Variants in MESP1 observed in about 807,000 individuals in gnomAD.
MESP1 encodes the protein mesoderm posterior bHLH transcription factor 1.
A neutral mutation model predicts 15.2 loss-of-function variants in MESP1; 22 were observed. That is an observed-to-expected ratio of 1.45 (90% confidence interval 1.04 to 2.07). The LOEUF (loss-of-function observed/expected upper bound fraction) is 2.07. Ranked by LOEUF, MESP1 falls within the 30% of genes most tolerant of loss-of-function variation. MESP1 has a pLI of 0.00. For missense variants in MESP1, 484 were observed against 411.9 expected, an observed-to-expected ratio of 1.17 and a Z score of -1.51; for synonymous variants, 216 against 192.6, an observed-to-expected ratio of 1.12 and a Z score of -1.01.
chr15:89,736,808 T>C, the MESP1 span, among the ~76,000 whole-genome samples: 3 of 150,372 alleles, frequency 2.0e-5, no homozygotes, highest in Middle Eastern at 3.2e-3. Flanking sequence ...TTTTTTTTTT[T>C]TGAAACGGAG....
chr15:89,747,226 G>C (rs1967988471), downstream of MESP1, among the ~76,000 whole-genome samples: 1 of 152,098 alleles, frequency 6.6e-6, no homozygotes, highest in African/African-American at 2.4e-5. Flanking sequence ...CCCAGGGGCT[G>C]CACACTAGCC....
downstream of MESP1, chr15:89,749,438 G>A (rs566572054): frequency 6.6e-6 from 1 of 152,326 alleles, no homozygotes; most frequent in Admixed American, 6.5e-5. Flanking sequence ...AACATGTATG[G>A]AGCTGGCAAA....
the MESP1 span, chr15:89,732,880 G>GC: frequency 5.0e-6 from 4 of 802,094 alleles, no homozygotes; most frequent in African/African-American, 1.7e-5. Flanking sequence ...CTCACAGGGT[G>GC]CTCATTGCTT....
Position 89,749,993 on chromosome 15 carries a change from C to A in MESP1, c.*151G>T, listed in dbSNP as rs111484785. ...TGGAGGGAGGGGCTGAGAAGGGCCG[C>A]CGCGGTGGGGACGGCTCTCACCCGC... On this transcript the variant is annotated 3_prime_UTR_variant, in exon 2 of 2. Transcript: ENST00000300057. The A allele has an allele frequency of 4.0e-6, 3 of 742,946 alleles. No homozygotes were observed. In the South Asian group the frequency reaches 4.8e-5, roughly 12 times the overall value. 46.0% of individuals were successfully genotyped at this position (742,946 alleles called of 1,614,324 possible).
the MESP1 span, chr15:89,737,806 C>A: frequency 3.2e-6 from 5 of 1,575,002 alleles, no homozygotes; most frequent in South Asian, 1.2e-5. Flanking sequence ...GAGAGCCCCT[C>A]CGATCTCCTC....
rs1379053776 is a variant in MESP1, at chr15:89,750,622, G to T, written c.610C>A (p.Pro204Thr). 1 of 1,388,100 alleles carries T rather than the reference G, an allele frequency of 7.2e-7. No homozygotes were observed. Among genetic ancestry groups the T allele is most frequent in the Non-Finnish European group, 9.3e-7 (1 of 1,079,962 alleles). 86.0% of individuals were successfully genotyped at this position (1,388,100 alleles called of 1,614,324 possible). ...AVRAGASWGS[P>T]PACPGARAAP... Reference sequence around the variant, plus strand: ...GCTCGGGCTCCGGGGCAGGCAGGCGGGGATCCCCAGGACGCCCCGGCGCGG... The same window carrying T: ...GCTCGGGCTCCGGGGCAGGCAGGCGTGGATCCCCAGGACGCCCCGGCGCGG... The change falls in exon 1 of 2, where the codon CCG (proline) becomes ACG (threonine). Residue 204 changes from proline to threonine, a missense_variant. Physicochemically the swap from Pro to Thr is conservative, Grantham distance 38 (BLOSUM62 -1). Coordinates refer to ENST00000300057, the MANE Select transcript of MESP1 (RefSeq NM_018670.4).
the MESP1 span, chr15:89,743,232 G>C: frequency 6.3e-7 from 1 of 1,574,856 alleles, no homozygotes; most frequent in Non-Finnish European, 8.7e-7. Flanking sequence ...TCTGCCCTGG[G>C]GGCTCGGGAG....
chr15:89,750,876 C>T lies in MESP1; in HGVS notation c.356G>A (p.Ser119Asn), dbSNP rs1968078893. 1 of 1,511,746 alleles carries T rather than the reference C, an allele frequency of 6.6e-7. No individual in the cohort carries two copies. The highest frequency in any genetic ancestry group is 8.8e-7 in the Non-Finnish European group (1 of 1,136,218). 93.6% of individuals were successfully genotyped at this position (1,511,746 alleles called of 1,614,324 possible). ...GCGCAGCGTCTCGATCTTGGTCAGG[C>T]TCTGGCCCGCGGGCGCCACGGACGG... ...LPPSVAPAGQ[S>N]LTKIETLRLA... is the part of the protein sequence containing the mutation. The change falls in exon 1 of 2, where the codon AGC (serine) becomes AAC (asparagine). Residue 119 changes from serine to asparagine, a missense_variant. Physicochemically the swap from Ser to Asn is conservative, Grantham distance 46 (BLOSUM62 1). Transcript: ENST00000300057.
the MESP1 span, chr15:89,738,284 T>G: frequency 6.6e-7 from 1 of 1,519,226 alleles, no homozygotes; most frequent in Non-Finnish European, 8.8e-7. Context: ...AGGTTGTCTC[T>G]GGATTGAGGG....
chr15:89,736,724 G>C, the MESP1 span, among the ~76,000 whole-genome samples: 2 of 152,012 alleles, frequency 1.3e-5, no homozygotes, highest in Non-Finnish European at 2.9e-5. Context: ...ACAGGGTGTG[G>C]AGAGACCCTC....
the MESP1 span, chr15:89,737,532 A>G: frequency 1.2e-6 from 2 of 1,612,752 alleles, no homozygotes; most frequent in Admixed American, 1.7e-5. Context: ...TGAGGGACAG[A>G]GTCCAGTAGA....
At chr15:89,742,030 C>T in the MESP1 span, among the ~76,000 whole-genome samples, 2 of 152,216 alleles carry the variant, frequency 1.3e-5, no homozygotes, top group South Asian at 2.1e-4. Flanking sequence ...GGATTACAGG[C>T]ATGAGCCATC....
At chr15:89,741,046 A>G in the MESP1 span, among the ~76,000 whole-genome samples, 4 of 152,050 alleles carry the variant, frequency 2.6e-5, no homozygotes, top group Admixed American at 2.6e-4. Context: ...AGGCTGAGGT[A>G]GGAGAATTGC....
At chr15:89,734,289 G>A in the MESP1 span, among the ~76,000 whole-genome samples, 2 of 152,142 alleles carry the variant, frequency 1.3e-5, no homozygotes, top group African/African-American at 4.8e-5. Flanking sequence ...TTCTTCTACT[G>A]GTCTCACCTG....
At chr15:89,746,925 C>G (rs1429634217), downstream of MESP1, among the ~76,000 whole-genome samples, 1 of 89,856 alleles carries the variant, frequency 1.1e-5, no homozygotes, top group African/African-American at 4.5e-5. Context: ...CCACACACAG[C>G]CCCACCTCCA....
chr15:89,738,242 G>C, the MESP1 span: 2 of 1,596,720 alleles, frequency 1.3e-6, no homozygotes, highest in Non-Finnish European at 8.5e-7. Context: ...AAGAGGTAAA[G>C]AGCTCTGTGT....
chr15:89,747,956 G>A (rs1170940354), downstream of MESP1, among the ~76,000 whole-genome samples: 1 of 152,176 alleles, frequency 6.6e-6, no homozygotes, highest in East Asian at 1.9e-4. Flanking sequence ...GGATGCTGGA[G>A]CAGTGGGAGA....
the MESP1 span, among the ~76,000 whole-genome samples, chr15:89,737,081 G>A: frequency 3.0e-4 from 46 of 152,294 alleles, no homozygotes; most frequent in Admixed American, 1.4e-3. Flanking sequence ...ATGAGCCATC[G>A]CGCCCGGCCA....
At chr15:89,750,437 C>T in intron 1 of MESP1, 72 bp downstream of exon 1, 1 of 1,463,632 alleles carries the variant, frequency 6.8e-7, no homozygotes, top group Non-Finnish European at 9.0e-7. Context: ...GGTGCCTGGT[C>T]CTCACCTTGG....
Sources: allele counts gnomAD v4.1 joint callset (sites outside exome capture counted in the v4.1 genomes callset), GRCh38; gene constraint gnomAD v4.1.1; transcripts MANE v1.5; gene names NCBI Gene and HGNC (gene_info 2026-07-23, HGNC 2026-07-21).